The following JHY variants were observed in gnomAD, a reference collection of about 807,000 sequenced individuals.
JHY encodes junctional cadherin complex regulator, also known as jhy protein homolog.
A neutral mutation model predicts 78.0 loss-of-function variants in JHY; 69 were observed. The observed-to-expected ratio is 0.88, with a 90% CI of 0.73 to 1.08. The LOEUF is 1.08. Ranked by LOEUF, JHY falls within the 50% of genes least tolerant of loss-of-function variation. The pLI, the probability that JHY is intolerant of heterozygous loss-of-function variation, is 0.00. For missense variants in JHY, 944 were observed against 927.8 expected (o/e 1.02, Z -0.23); for synonymous variants, 368 against 342.6 (o/e 1.07, Z -0.82).
At chr11:122,927,579 C>T (rs1377501511) in intron 4 of JHY, among the ~76,000 whole-genome samples, 2 of 152,144 alleles carry the variant, frequency 1.3e-5, no homozygotes, top group African/African-American at 4.8e-5. Flanking sequence ...TCAAGGGCCA[C>T]CTCTGCATGG....
rs994520642 is a variant in JHY, at chr11:122,935,951, GGAGTAT to G, written c.1634+881_1634+886del. On this transcript the variant is annotated intron_variant, in intron 5 of 8. Coordinates refer to ENST00000227349, the MANE Select transcript of JHY (RefSeq NM_024806.4). This position sits in a 1 kb window ranked among gnomAD's most constrained non-coding sequence, Gnocchi z 4.5. ...CTGGTAGAAGAAAAAGTACATCTAAGGAGTATGAGTTCTACTGTGTTAAAATATGCA... is the reference window on the plus strand; with the variant it reads ...CTGGTAGAAGAAAAAGTACATCTAAGGAGTTCTACTGTGTTAAAATATGCA... Among the ~76,000 whole-genome samples, 17 of 152,138 alleles carry G rather than the reference GGAGTAT, an allele frequency of 1.1e-4. No individual in the cohort carries two copies. The highest frequency in any genetic ancestry group is 1.9e-4 in the Non-Finnish European group (13 of 68,008).
intron 5 of JHY, among the ~76,000 whole-genome samples, chr11:122,938,922 G>A (rs1863812326): frequency 6.6e-6 from 1 of 151,956 alleles, no homozygotes; most frequent in South Asian, 2.1e-4. Flanking sequence ...TGCGGAGAGA[G>A]GGAAGGGACA....
Position 122,886,013 on chromosome 11 carries a change from T to G in JHY, c.164T>G (p.Met55Arg), listed in dbSNP as rs758287959. ...SDSESLTQEIMCHSEFDDRIR... is the reference protein window; with the variant it reads ...SDSESLTQEIRCHSEFDDRIR... ...TCAGAAAGCCTCACGCAAGAGATTA[T>G]GTGCCATTCTGAGTTTGATGATCGA... The change falls in exon 2 of 9, where the codon ATG becomes AGG. Residue 55 changes from methionine (M) to arginine (R), a missense_variant. By Grantham distance (91) the Met-to-Arg change is moderately conservative. Coordinates refer to ENST00000227349, the MANE Select transcript of JHY (RefSeq NM_024806.4). The G allele has an allele frequency of 1.2e-6, 2 of 1,614,180 alleles. No individual in the cohort carries two copies. The highest frequency in any genetic ancestry group is 4.5e-5 in the East Asian group (2 of 44,888).
chr11:122,956,279 T>C (rs1190820977), intron 6 of JHY, among the ~76,000 whole-genome samples: 1 of 152,192 alleles, frequency 6.6e-6, no homozygotes, highest in African/African-American at 2.4e-5. Flanking sequence ...AGTGAAAACA[T>C]GTTAGCTAAC....
chr11:122,905,592 G>A (rs1862971675), intron 3 of JHY: 2 of 1,002,624 alleles, frequency 2.0e-6, no homozygotes, highest in South Asian at 9.2e-5. Flanking sequence ...ACGTCTGGTG[G>A]CACGTTGGCT....
At chr11:122,922,825 A>G (rs939314942) in intron 3 of JHY, among the ~76,000 whole-genome samples, 1 of 142,950 alleles carries the variant, frequency 7.0e-6, no homozygotes, top group Admixed American at 6.9e-5. Context: ...AAAAAAAAAA[A>G]AAAAAAAAAA....
intron 3 of JHY, among the ~76,000 whole-genome samples, chr11:122,919,709 C>T (rs1189427309): frequency 6.6e-6 from 1 of 151,810 alleles, no homozygotes; most frequent in Non-Finnish European, 1.5e-5. Flanking sequence ...CCAGGCACGG[C>T]GGCTCACGCC....
intron 5 of JHY, among the ~76,000 whole-genome samples, chr11:122,942,479 A>T (rs1412982847): frequency 6.6e-6 from 1 of 152,028 alleles, no homozygotes; most frequent in Non-Finnish European, 1.5e-5. Flanking sequence ...GCTGGAGTGC[A>T]TTGGCATGAT....
chr11:122,921,495 G>T (rs139185518), intron 3 of JHY, among the ~76,000 whole-genome samples: 112 of 152,146 alleles, frequency 7.4e-4, no homozygotes, highest in African/African-American at 2.7e-3. Flanking sequence ...AGCTTAGTTA[G>T]TTTTTTTACT....
intron 6 of JHY, among the ~76,000 whole-genome samples, chr11:122,956,205 A>G (rs1864187246): frequency 1.3e-5 from 2 of 152,132 alleles, no homozygotes; most frequent in Admixed American, 1.3e-4. Flanking sequence ...ACAGGACATC[A>G]CTAGCTTGAA....
intron 5 of JHY, among the ~76,000 whole-genome samples, chr11:122,946,014 T>G (rs1863952637): frequency 6.6e-6 from 1 of 152,186 alleles, no homozygotes; most frequent in African/African-American, 2.4e-5. Flanking sequence ...ATCTTGCATA[T>G]CCTATACCAG....
chr11:122,892,123 T>C (rs1862629449), intron 2 of JHY, among the ~76,000 whole-genome samples: 1 of 152,108 alleles, frequency 6.6e-6, no homozygotes, highest in Non-Finnish European at 1.5e-5. Context: ...GAAACAAATG[T>C]TTTCATGCAG....
In JHY at chr11:122,959,443, T is replaced by C. The variant is rs200069937; in HGVS notation, c.2335T>C (p.Ter779GlnextTer50). 39 of 1,613,944 alleles carry C rather than the reference T, an allele frequency of 2.4e-5. No individual in the cohort carries two copies. The East Asian group carries it at 5.8e-4, about 24-fold the overall frequency. Residue 779 changes from the stop codon to glutamine, a stop_lost, in exon 9 of 9, where the codon TAG becomes CAG. Coordinates refer to ENST00000227349, the MANE Select transcript of JHY (RefSeq NM_024806.4). ...TGCTTTCAAAGTCCTTCACATCGTA[T>C]AGACAACATTTGATAGGAAGGAGAC... ...VAAFKVLHIV[*>Q]
At chr11:122,926,891 A>G (rs1449798184) in intron 4 of JHY, 2 of 152,256 alleles carry the variant, frequency 1.3e-5, no homozygotes, top group Non-Finnish European at 2.9e-5. Context: ...CTAGAATTCT[A>G]TGACCATGCA....
intron 4 of JHY, chr11:122,926,942 G>C (rs1039406482): frequency 3.3e-5 from 5 of 152,338 alleles, no homozygotes; most frequent in African/African-American, 1.2e-4. Context: ...TACATTTGAA[G>C]CATGTAAGAT....
In JHY at chr11:122,960,979, T is replaced by C. The variant is rs1864301366; in HGVS notation, c.*1534T>C. The C allele has an allele frequency of 2.0e-5, 16 of 803,684 alleles. No individual in the cohort carries two copies. In the South Asian group the frequency reaches 2.1e-4, roughly 11 times the overall value. The allele number at this position is 803,684 out of a possible 1,614,324, so 49.8% of individuals were successfully genotyped here. On this transcript the variant is annotated 3_prime_UTR_variant, in exon 9 of 9. Coordinates refer to ENST00000227349, the MANE Select transcript of JHY (RefSeq NM_024806.4). ...CGTTGAAAGGAACAAGAGCACATGA[T>C]AAATTGGGTGCAGAGCATCTCTGCA...
intron 6 of JHY, 102 bp from the exon 7 acceptor site, chr11:122,956,393 AT>A: frequency 1.1e-6 from 1 of 909,966 alleles, no homozygotes; most frequent in Non-Finnish European, 1.7e-6. Flanking sequence ...GGCTTTCATT[AT>A]TTTCTTTCTT....
intron 7 of JHY, 35 bp downstream of exon 7, chr11:122,956,611 G>C (rs771861866): frequency 6.4e-7 from 1 of 1,571,970 alleles, no homozygotes; most frequent in South Asian, 1.1e-5. Flanking sequence ...TTCCAGACCT[G>C]ACTCAGCCCA....
In JHY at chr11:122,961,242, A is replaced by T. The variant is rs1330593870; in HGVS notation, c.*1797A>T. ...TTTGTTCCCTATACTGAGAGAACTC[A>T]ATCTATTGGCCAATCAGATGTTTCC... On this transcript the variant is annotated 3_prime_UTR_variant, in exon 9 of 9. Coordinates refer to ENST00000227349, the MANE Select transcript of JHY (RefSeq NM_024806.4). Among the ~76,000 whole-genome samples, 1 of 152,204 alleles carries T rather than the reference A, an allele frequency of 6.6e-6. No individual in the cohort carries two copies. The highest frequency in any genetic ancestry group is 1.5e-5 in the Non-Finnish European group (1 of 68,034).
Sources: allele counts gnomAD v4.1 joint callset (sites outside exome capture counted in the v4.1 genomes callset), GRCh38; gene constraint gnomAD v4.1.1; non-coding constraint Gnocchi (gnomAD v3.1); transcripts MANE v1.5; gene names NCBI Gene and HGNC (gene_info 2026-07-23, HGNC 2026-07-21).